Variants in RTEL1 observed in about 807,000 individuals in gnomAD.
RTEL1 encodes regulator of telomere length.
In RTEL1, 86 loss-of-function variants were observed where a neutral mutation model predicts 162.2. The ratio of observed to expected loss-of-function variants is 0.53; its 90% CI spans 0.45 to 0.63. The LOEUF is 0.63. RTEL1 is among the 30% of genes least tolerant of loss of function. The pLI, the probability that RTEL1 is intolerant of heterozygous loss-of-function variation, is 0.00. For synonymous variants in RTEL1, 958 were observed against 717.9 expected, an observed-to-expected ratio of 1.33 and a Z score of -5.35; for missense variants, 1,941 against 1,750.2, an observed-to-expected ratio of 1.11 and a Z score of -1.95.
chr20:63,670,966 G>C (rs573369845), intron 8 of RTEL1, among the ~76,000 whole-genome samples: 1 of 152,210 alleles, frequency 6.6e-6, no homozygotes, highest in Non-Finnish European at 1.5e-5. Context: ...CAGCAGCCAC[G>C]GGCGTGGACT....
At position 63,668,182 on chromosome 20, in the gene RTEL1, C is replaced by T. The variant is rs1263041083; in HGVS notation, c.699+629C>T. Among the ~76,000 whole-genome samples, 1 of 152,182 alleles carries T rather than the reference C, an allele frequency of 6.6e-6. No homozygotes were observed. The highest frequency in any genetic ancestry group is 2.4e-5 in the African/African-American group (1 of 41,456). ...TCCCAGTGTGTGCCCGGCCCTGCTG[C>T]CCTCCTCCCCATGTGCCCTGCTTTT... On this transcript the variant is annotated intron_variant, in intron 8 of 34. Coordinates refer to ENST00000360203, the MANE Select transcript of RTEL1 (RefSeq NM_001283009.2). This position sits in a 1 kb window ranked among gnomAD's most constrained non-coding sequence, Gnocchi z 4.3.
intron 14 of RTEL1, chr20:63,682,626 T>G: frequency 1.0e-6 from 1 of 985,822 alleles, no homozygotes; most frequent in Non-Finnish European, 1.2e-6. Context: ...CTGCACACAG[T>G]GCTCACCCGC....
At chr20:63,665,224 T>C (rs2090102702) in intron 6 of RTEL1, 1 of 152,644 alleles carries the variant, frequency 6.6e-6, no homozygotes, top group East Asian at 1.9e-4. Flanking sequence ...AAAGCAGCCA[T>C]GATGGAGTCG....
intron 10 of RTEL1, among the ~76,000 whole-genome samples, chr20:63,675,816 T>G (rs1464044078): frequency 6.6e-6 from 1 of 152,214 alleles, no homozygotes; most frequent in Admixed American, 6.5e-5. Flanking sequence ...ATCCTTCGCT[T>G]GGCGCAGGGT....
At chr20:63,689,391 C>T (rs767286984) in intron 22 of RTEL1, 111 bp from the exon 23 acceptor site, 25 of 1,292,600 alleles carry the variant, frequency 1.9e-5, no homozygotes, top group South Asian at 4.6e-5. Flanking sequence ...GATGGAGCTT[C>T]CTCCCACCCC....
At chr20:63,692,725 T>C (rs1484067392) in intron 28 of RTEL1, 80 bp from the exon 29 acceptor site, 5 of 1,372,956 alleles carry the variant, frequency 3.6e-6, no homozygotes, top group Admixed American at 1.9e-5. Flanking sequence ...GAACGCTCAA[T>C]GTTCCAAGGA....
In RTEL1 at chr20:63,659,679, C is replaced by T. The variant is rs573526743; in HGVS notation, c.102+175C>T. Among the ~76,000 whole-genome samples, 4 of 152,178 alleles carry T rather than the reference C, an allele frequency of 2.6e-5. No individual in the cohort carries two copies. In the South Asian group the frequency reaches 8.3e-4, roughly 31 times the overall value. On this transcript the variant is annotated intron_variant, in intron 2 of 34. Transcript: ENST00000360203. ...CAGAGAGAGGATTGACAAGTAAAAA[C>T]GATCGTCCTTTGAAGGGGGCCGGCC...
At chr20:63,669,635 A>G (rs1269521835) in intron 8 of RTEL1, among the ~76,000 whole-genome samples, 5 of 152,272 alleles carry the variant, frequency 3.3e-5, no homozygotes, top group Non-Finnish European at 7.3e-5. Context: ...GGATCTGGAC[A>G]GACGTTTCAC....
Position 63,695,967 on chromosome 20 carries a change from C to T in RTEL1, c.*109C>T, listed in dbSNP as rs1254053443. The T allele has an allele frequency of 3.5e-6, 4 of 1,130,000 alleles. No homozygotes were observed. Among genetic ancestry groups the T allele is most frequent in the Admixed American group, 2.3e-5 (1 of 42,746 alleles). The allele number at this position is 1,130,000 out of a possible 1,614,324, so 70.0% of individuals were successfully genotyped here. Reference sequence around the variant, plus strand: ...GAATAGGCCAGCCCATGCCAGCCGGCTTGGCCCGCTGCAGGCCTCAGGCAG... The same window carrying T: ...GAATAGGCCAGCCCATGCCAGCCGGTTTGGCCCGCTGCAGGCCTCAGGCAG... On this transcript the variant is annotated 3_prime_UTR_variant, in exon 35 of 35. Coordinates refer to ENST00000360203, the MANE Select transcript of RTEL1 (RefSeq NM_001283009.2).
chr20:63,689,242 G>C, intron 22 of RTEL1, 110 bp downstream of exon 22: 1 of 1,130,516 alleles, frequency 8.8e-7, no homozygotes, highest in South Asian at 1.4e-5. Context: ...CCCTCCTTGG[G>C]TCCCACGAGA....
At chr20:63,676,824 A>G (rs866057950) in intron 10 of RTEL1, among the ~76,000 whole-genome samples, 1 of 152,182 alleles carries the variant, frequency 6.6e-6, no homozygotes. Flanking sequence ...AATCCCAGCT[A>G]CTTGGGAGGC....
At chr20:63,691,980 G>A in intron 28 of RTEL1, 143 bp downstream of exon 28, 1 of 615,754 alleles carries the variant, frequency 1.6e-6, no homozygotes, top group Non-Finnish European at 2.9e-6. Flanking sequence ...CTGTGATGCT[G>A]ACGGCCAGGG....
At chr20:63,694,615 C>T (rs1044495685) in intron 31 of RTEL1, 126 bp from the exon 32 acceptor site, 10 of 1,205,338 alleles carry the variant, frequency 8.3e-6, no homozygotes, top group Admixed American at 4.7e-5. Flanking sequence ...GGACTGCTCC[C>T]GGTTCTGCAC....
chr20:63,678,121 C>G, intron 10 of RTEL1, 24 bp from the exon 11 acceptor site: 1 of 1,614,168 alleles, frequency 6.2e-7, no homozygotes, highest in Non-Finnish European at 8.5e-7. Flanking sequence ...TGCAGACTGC[C>G]TTTGCTGCCT....
chr20:63,688,952 AG>A, intron 21 of RTEL1, 102 bp from the exon 22 acceptor site: 6 of 1,052,168 alleles, frequency 5.7e-6, no homozygotes, highest in Non-Finnish European at 8.6e-6. Flanking sequence ...CTTCCTGGCT[AG>A]GACGATCCTT....
rs2145483058 is a variant in RTEL1, at chr20:63,696,002, ATGGT to A, written c.*149_*152del. On this transcript the variant is annotated 3_prime_UTR_variant, in exon 35 of 35. Coordinates refer to ENST00000360203, the MANE Select transcript of RTEL1 (RefSeq NM_001283009.2). ...TGCAGGCCTCAGGCAGGCGGGGCCCATGGTTGGTCCCTGCGGTGGGACCGGATCT... is the reference window on the plus strand; with the variant it reads ...TGCAGGCCTCAGGCAGGCGGGGCCCATGGTCCCTGCGGTGGGACCGGATCT... 1 of 794,148 alleles carries A rather than the reference ATGGT, an allele frequency of 1.3e-6. No homozygotes were observed. Among genetic ancestry groups the A allele is most frequent in the African/African-American group, 1.7e-5 (1 of 57,866 alleles). The allele number at this position is 794,148 out of a possible 1,614,324, so 49.2% of individuals were successfully genotyped here.
In RTEL1 at chr20:63,682,116, C is replaced by T. The variant is rs948054964; in HGVS notation, c.1191+1397C>T. 7.7e-5 allele frequency: 76 copies of T among 985,450 alleles called. No individual in the cohort carries two copies. The Middle Eastern group carries it at 1.6e-3, about 20-fold the overall frequency. 61.0% of individuals were successfully genotyped at this position (985,450 alleles called of 1,614,324 possible). A position where few individuals can be genotyped will look rare whatever the true frequency, so the allele number is the denominator to read the frequency against. On this transcript the variant is annotated intron_variant, in intron 14 of 34. Transcript: ENST00000360203. ...CCTGTCCCTCCCTGGAATACAGCTT[C>T]CCAGGCTCCCACTTATGGAGAAGTC...
chr20:63,666,717 G>A (rs1013919766), intron 7 of RTEL1, among the ~76,000 whole-genome samples: 1 of 151,786 alleles, frequency 6.6e-6, no homozygotes, highest in East Asian at 1.9e-4. Flanking sequence ...TGTATTTTTT[G>A]TACAGACAGG....
intron 30 of RTEL1, among the ~76,000 whole-genome samples, chr20:63,693,504 ACCACCTCCTCCACCACCACCACCT>A (rs1568720439): frequency 3.4e-4 from 2 of 5,960 alleles, no homozygotes; most frequent in Non-Finnish European, 3.6e-4. Context: ...CACCTCCACC[ACCACCTCCTCCACCACCACCACCT>A]CCACCACCAC....
Sources: allele counts gnomAD v4.1 joint callset (sites outside exome capture counted in the v4.1 genomes callset), GRCh38; gene constraint gnomAD v4.1.1; non-coding constraint Gnocchi (gnomAD v3.1); transcripts MANE v1.5; gene names NCBI Gene and HGNC (gene_info 2026-07-23, HGNC 2026-07-21).